Variants in USP12 observed in about 807,000 individuals in gnomAD.
The protein encoded by USP12 is ubiquitin specific peptidase 12.
USP12 carries 19 observed loss-of-function variants against 45.5 expected under a neutral mutation model. That is an observed-to-expected ratio of 0.42 (90% confidence interval 0.29 to 0.61). USP12 has a LOEUF of 0.61. USP12 is among the 20% of genes least tolerant of loss of function. The pLI is 0.22. For synonymous variants in USP12, 149 were observed against 148.8 expected (o/e 1.00, Z -0.01); for missense variants, 242 against 447.7 (o/e 0.54, Z 4.15).
chr13:27,116,427 A>C, intron 2 of USP12, 89 bp downstream of exon 2: 2 of 1,206,354 alleles, frequency 1.7e-6, no homozygotes, highest in Non-Finnish European at 2.3e-6. Context: ...AGAAAAGAAC[A>C]ATTTTCCTTT....
chr13:27,133,950 AGT>A (rs1876659810), intron 1 of USP12, among the ~76,000 whole-genome samples: 1 of 152,208 alleles, frequency 6.6e-6, no homozygotes, highest in African/African-American at 2.4e-5. Flanking sequence ...TGGGCAACAC[AGT>A]GAAATCCCAT....
intron 8 of USP12, among the ~76,000 whole-genome samples, chr13:27,070,260 A>G (rs1873183599): frequency 6.6e-6 from 1 of 152,178 alleles, no homozygotes; most frequent in Non-Finnish European, 1.5e-5. Flanking sequence ...ATTAATCATA[A>G]TGATAGAAGT....
At chr13:27,092,843 C>T (rs1874379901) in intron 4 of USP12, among the ~76,000 whole-genome samples, 1 of 152,020 alleles carries the variant, frequency 6.6e-6, no homozygotes, top group Admixed American at 6.6e-5. Flanking sequence ...AAGTATAATG[C>T]ATGAAAGAAA....
chr13:27,122,192 T>A (rs1014595009), intron 1 of USP12, among the ~76,000 whole-genome samples: 1 of 152,186 alleles, frequency 6.6e-6, no homozygotes, highest in African/African-American at 2.4e-5. Context: ...AATCTCACCT[T>A]GAACTGTACT....
intron 1 of USP12, among the ~76,000 whole-genome samples, chr13:27,149,854 C>T (rs1178649333): frequency 3.3e-5 from 5 of 152,172 alleles, no homozygotes; most frequent in African/African-American, 7.2e-5. Context: ...CTAGATCCCT[C>T]GCATGCGCGG....
At chr13:27,089,695 G>C (rs1447476400) in intron 6 of USP12, 188 bp downstream of exon 6, 1 of 573,854 alleles carries the variant, frequency 1.7e-6, no homozygotes, top group Non-Finnish European at 3.1e-6. Context: ...AGGGTACACA[G>C]TTTTTGTAAA....
rs1018140674 is a variant in USP12, at chr13:27,115,814, C to T, written c.129+702G>A. Among the ~76,000 whole-genome samples the T allele has an allele frequency of 3.3e-5, 5 of 152,246 alleles. No individual in the cohort carries two copies. The East Asian group carries it at 7.7e-4, about 23-fold the overall frequency. ...TGAGAGAAGTAAATTGTCAAATACC[C>T]CACAGACACATGGAGGCATTTGCAC... On this transcript the variant is annotated intron_variant, in intron 2 of 8. Transcript: ENST00000282344.
chr13:27,072,812 G>A (rs1873306376), intron 7 of USP12, among the ~76,000 whole-genome samples: 3 of 152,220 alleles, frequency 2.0e-5, no homozygotes, highest in South Asian at 4.1e-4. Flanking sequence ...GGGCACCGGG[G>A]ACAGAGAAGG....
chr13:27,139,220 A>C (rs1876943713), intron 1 of USP12, among the ~76,000 whole-genome samples: 2 of 152,216 alleles, frequency 1.3e-5, no homozygotes, highest in Non-Finnish European at 2.9e-5. Context: ...CTTACCCTTC[A>C]TCTGAGTAAT....
chr13:27,092,807 G>T (rs4771071), intron 4 of USP12, among the ~76,000 whole-genome samples: 126,360 of 152,202 alleles, frequency 0.83, 54,597 homozygotes, highest in South Asian at 0.97. Context: ...TTTAGTTTAT[G>T]GATGACTTTT....
At chr13:27,093,302 T>A in intron 4 of USP12, among the ~76,000 whole-genome samples, 1 of 83,166 alleles carries the variant, frequency 1.2e-5, no homozygotes, top group African/African-American at 3.6e-5. Context: ...TAGCCAAAAT[T>A]ATACCCGAAA....
At chr13:27,155,233 C>T (rs2497971) in intron 1 of USP12, among the ~76,000 whole-genome samples, 43,327 of 151,488 alleles carry the variant, frequency 0.29, 6,706 homozygotes, top group Non-Finnish European at 0.35. Context: ...AGGCGCGTGC[C>T]ACCATGCCCG....
chr13:27,138,056 C>A (rs1876888326), intron 1 of USP12, among the ~76,000 whole-genome samples: 1 of 152,248 alleles, frequency 6.6e-6, no homozygotes, highest in Non-Finnish European at 1.5e-5. Context: ...CCATTACCAA[C>A]TGCAACTGCA....
chr13:27,121,495 C>T (rs1424112437), intron 1 of USP12, among the ~76,000 whole-genome samples: 1 of 152,006 alleles, frequency 6.6e-6, no homozygotes, highest in Non-Finnish European at 1.5e-5. Context: ...TCAAAAATTA[C>T]AAAAACACAC....
chr13:27,158,652 A>G (rs1877952756), intron 1 of USP12, among the ~76,000 whole-genome samples: 1 of 152,216 alleles, frequency 6.6e-6, no homozygotes, highest in African/African-American at 2.4e-5. Flanking sequence ...GTCTCTAAAC[A>G]CATCTAAACG....
intron 2 of USP12, among the ~76,000 whole-genome samples, chr13:27,112,803 T>C (rs1429348117): frequency 1.3e-5 from 2 of 152,328 alleles, no homozygotes; most frequent in Admixed American, 6.5e-5. Context: ...TTAAGAATAA[T>C]GCTTAGTCTA....
At chr13:27,143,023 G>A (rs568149515) in intron 1 of USP12, among the ~76,000 whole-genome samples, 1 of 151,938 alleles carries the variant, frequency 6.6e-6, no homozygotes, top group Admixed American at 6.6e-5. Context: ...AACTGGGGAG[G>A]CGGAGGTTGC....
intron 1 of USP12, among the ~76,000 whole-genome samples, chr13:27,136,318 C>T (rs1028474467): frequency 2.0e-5 from 3 of 151,974 alleles, no homozygotes; most frequent in African/African-American, 4.8e-5. Context: ...GCCAACATGG[C>T]GAAACCCCAT....
chr13:27,156,383 T>TTTCCTC (rs781082625), intron 1 of USP12, among the ~76,000 whole-genome samples: 3 of 152,130 alleles, frequency 2.0e-5, no homozygotes, highest in Non-Finnish European at 4.4e-5. Flanking sequence ...CCTCAAAAGA[T>TTTCCTC]AAACTATAAT....
Sources: gnomAD v4.1 joint callset for allele counts (sites outside exome capture counted in the v4.1 genomes callset) on GRCh38, gnomAD v4.1.1 for gene constraint, MANE v1.5 for transcripts, NCBI Gene and HGNC (gene_info 2026-07-23, HGNC 2026-07-21) for gene names.